ROBO2: variants seen among roughly 807,000 people sequenced by gnomAD.
ROBO2 encodes the protein roundabout guidance receptor 2, also known as roundabout homolog 2.
A neutral mutation model predicts 160.8 loss-of-function variants in ROBO2; 53 were observed. The ratio of observed to expected loss-of-function variants is 0.33; its 90% CI spans 0.26 to 0.41. ROBO2 has a LOEUF of 0.41. ROBO2 is among the 10% of genes least tolerant of loss of function. The probability of loss-of-function intolerance (pLI) is 1.00; values close to 1 mark genes in which losing one functional copy is unlikely to be tolerated. For synonymous variants in ROBO2, 664 were observed against 611.7 expected (o/e 1.09, Z -1.26); for missense variants, 1,577 against 1,722.4 (o/e 0.92, Z 1.49).
intron 2 of ROBO2, among the ~76,000 whole-genome samples, chr3:76,140,391 C>T (rs1426338917): frequency 6.6e-6 from 1 of 152,004 alleles, no homozygotes; most frequent in Admixed American, 6.6e-5. Context: ...TAATCTGAGC[C>T]AAGCACTATT....
At chr3:76,481,138 C>T (rs181170865) in intron 2 of ROBO2, among the ~76,000 whole-genome samples, 89 of 152,112 alleles carry the variant, frequency 5.9e-4, no homozygotes, top group African/African-American at 2.0e-3. Flanking sequence ...TTTGTGATGT[C>T]GCGGTTTTTG....
intron 2 of ROBO2, among the ~76,000 whole-genome samples, chr3:75,951,064 A>G (rs1189076271): frequency 6.6e-6 from 1 of 152,070 alleles, no homozygotes; most frequent in East Asian, 1.9e-4. Context: ...AAAGCCATAG[A>G]AAGTTAACTC....
At chr3:76,177,861 C>G (rs910395843) in intron 2 of ROBO2, among the ~76,000 whole-genome samples, 3 of 152,144 alleles carry the variant, frequency 2.0e-5, no homozygotes, top group Non-Finnish European at 4.4e-5. Flanking sequence ...AGCTGAGTGG[C>G]AAATTACCTA....
intron 2 of ROBO2, among the ~76,000 whole-genome samples, chr3:77,122,185 T>C (rs1228270519): frequency 6.6e-6 from 1 of 152,212 alleles, no homozygotes; most frequent in African/African-American, 2.4e-5. Flanking sequence ...ACTCTCTTGT[T>C]CTACACAGAT....
At chr3:77,183,666 G>A (rs1481060739) in intron 2 of ROBO2, among the ~76,000 whole-genome samples, 1 of 151,952 alleles carries the variant, frequency 6.6e-6, no homozygotes. Context: ...GTGGTATTGT[G>A]TTATGGCATC....
intron 2 of ROBO2, among the ~76,000 whole-genome samples, chr3:77,245,197 A>G (rs2089582917): frequency 6.6e-6 from 1 of 152,170 alleles, no homozygotes; most frequent in Non-Finnish European, 1.5e-5. Flanking sequence ...AGGCTAAAAA[A>G]CATCATGGGG....
chr3:76,545,779 A>G (rs1007563950), intron 2 of ROBO2, among the ~76,000 whole-genome samples: 2 of 151,994 alleles, frequency 1.3e-5, no homozygotes, highest in African/African-American at 4.8e-5. Flanking sequence ...GTTTTATTCT[A>G]AATTTTTTCT....
At chr3:77,378,812 G>A (rs2073034788) in intron 2 of ROBO2, among the ~76,000 whole-genome samples, 2 of 152,040 alleles carry the variant, frequency 1.3e-5, no homozygotes, top group Admixed American at 1.3e-4. Context: ...CTGCATAGAT[G>A]CCCGAAAAAA....
At chr3:76,113,247 C>G (rs934519583) in intron 2 of ROBO2, among the ~76,000 whole-genome samples, 3 of 152,116 alleles carry the variant, frequency 2.0e-5, no homozygotes, top group Non-Finnish European at 4.4e-5. Context: ...GAAAGATTAA[C>G]AGAGGCCCAA....
intron 2 of ROBO2, among the ~76,000 whole-genome samples, chr3:77,013,361 C>T (rs2062031549): frequency 6.6e-6 from 1 of 151,884 alleles, no homozygotes; most frequent in South Asian, 2.1e-4. Flanking sequence ...ATGGAAAAGG[C>T]ATGATTTTGG....
At chr3:76,477,814 C>T (rs1362865831) in intron 2 of ROBO2, among the ~76,000 whole-genome samples, 1 of 152,048 alleles carries the variant, frequency 6.6e-6, no homozygotes, top group South Asian at 2.1e-4. Flanking sequence ...AAAAAAAAAT[C>T]TCCACAGGCT....
At chr3:77,157,512 G>A (rs562387695) in intron 2 of ROBO2, among the ~76,000 whole-genome samples, 1 of 152,164 alleles carries the variant, frequency 6.6e-6, no homozygotes, top group East Asian at 1.9e-4. Context: ...CTGTGTGGGA[G>A]TGGAGCAGTT....
intron 14 of ROBO2, among the ~76,000 whole-genome samples, chr3:77,576,282 A>G (rs1482499485): frequency 1.3e-5 from 2 of 152,088 alleles, no homozygotes; most frequent in African/African-American, 2.4e-5. Context: ...AAATATGGCT[A>G]TACCTAAGTG....
chr3:77,324,046 T>C (rs1260968851), intron 2 of ROBO2, among the ~76,000 whole-genome samples: 1 of 152,144 alleles, frequency 6.6e-6, no homozygotes, highest in African/African-American at 2.4e-5. Flanking sequence ...CACTGGTATA[T>C]GAAGAGGGTG....
intron 1 of ROBO2, among the ~76,000 whole-genome samples, chr3:77,079,518 C>T (rs1578782781): frequency 6.6e-6 from 1 of 152,222 alleles, no homozygotes; most frequent in South Asian, 2.1e-4. Flanking sequence ...AGAAAAACCC[C>T]ACAAAACTTT....
chr3:77,577,647 G>A (rs748676010), intron 15 of ROBO2, 33 bp downstream of exon 16: 3 of 1,612,176 alleles, frequency 1.9e-6, no homozygotes, highest in Non-Finnish European at 2.5e-6. Context: ...CAGCTCTCAT[G>A]TAAAGGTTCC....
chr3:76,380,722 A>G (rs886329600), intron 2 of ROBO2, among the ~76,000 whole-genome samples: 3 of 152,216 alleles, frequency 2.0e-5, no homozygotes, highest in Non-Finnish European at 4.4e-5. Flanking sequence ...CAAACGTTAT[A>G]TGTGGATTTT....
chr3:76,400,230 C>T (rs141511829), intron 2 of ROBO2, among the ~76,000 whole-genome samples: 1 of 151,638 alleles, frequency 6.6e-6, no homozygotes, highest in African/African-American at 2.4e-5. Flanking sequence ...TATCTAGACA[C>T]TTATTGAATT....
At chr3:77,402,545 A>G (rs2075898262) in intron 2 of ROBO2, among the ~76,000 whole-genome samples, 1 of 152,196 alleles carries the variant, frequency 6.6e-6, no homozygotes, top group Non-Finnish European at 1.5e-5. Flanking sequence ...ACTTCTGAAT[A>G]TCTCAGGAGT....
Sources: allele counts gnomAD v4.1 joint callset (sites outside exome capture counted in the v4.1 genomes callset), GRCh38; gene constraint gnomAD v4.1.1; transcripts MANE v1.5; gene names NCBI Gene and HGNC (gene_info 2026-07-23, HGNC 2026-07-21).